SGMS1: variants seen among roughly 807,000 people sequenced by gnomAD.
SGMS1 encodes phosphatidylcholine:ceramide cholinephosphotransferase 1.
SGMS1 carries 13 observed loss-of-function variants against 46.2 expected under a neutral mutation model. That is an observed-to-expected ratio of 0.28 (90% confidence interval 0.18 to 0.45). SGMS1 has a LOEUF of 0.45. Among genes scored for constraint, SGMS1 ranks in the 20% least tolerant of loss-of-function variants. The pLI is 1.00. For synonymous variants in SGMS1, 203 were observed against 187.8 expected (o/e 1.08, Z -0.66); for missense variants, 324 against 519.9 (o/e 0.62, Z 3.66).
At chr10:50,532,952 A>G (rs1250218030) in intron 2 of SGMS1, among the ~76,000 whole-genome samples, 1 of 152,238 alleles carries the variant, frequency 6.6e-6, no homozygotes, top group Admixed American at 6.5e-5. Context: ...TGCCAGGAAC[A>G]GTAATAGTAA....
intron 1 of SGMS1, among the ~76,000 whole-genome samples, chr10:50,595,324 CA>C (rs1400479507): frequency 6.6e-6 from 1 of 152,120 alleles, no homozygotes; most frequent in African/African-American, 2.4e-5. Context: ...TACAGGCGCA[CA>C]CCACCATGCC....
intron 1 of SGMS1, among the ~76,000 whole-genome samples, chr10:50,593,033 T>G (rs903642682): frequency 6.6e-6 from 1 of 150,674 alleles, no homozygotes; most frequent in African/African-American, 2.4e-5. Context: ...GGCGTGAGAC[T>G]GCAAAAGTCC....
intron 6 of SGMS1, among the ~76,000 whole-genome samples, chr10:50,427,263 G>A (rs1003346994): frequency 2.2e-4 from 33 of 152,144 alleles, no homozygotes; most frequent in African/African-American, 8.0e-4. Flanking sequence ...GCCGGGTGTG[G>A]TGGCGGGCGC....
At chr10:50,465,841 C>A (rs564239796) in intron 4 of SGMS1, among the ~76,000 whole-genome samples, 1 of 151,762 alleles carries the variant, frequency 6.6e-6, no homozygotes, top group African/African-American at 2.4e-5. Flanking sequence ...GAAACATTTT[C>A]CAGAGACAAA....
At chr10:50,560,127 A>T (rs1267780233) in intron 2 of SGMS1, among the ~76,000 whole-genome samples, 1 of 146,888 alleles carries the variant, frequency 6.8e-6, no homozygotes, top group Non-Finnish European at 1.5e-5. Flanking sequence ...ACATTATAAC[A>T]CATATGTAAT....
chr10:50,526,625 G>A (rs1837903676), intron 2 of SGMS1, among the ~76,000 whole-genome samples: 1 of 152,176 alleles, frequency 6.6e-6, no homozygotes, highest in Non-Finnish European at 1.5e-5. Context: ...CTATCATGTA[G>A]CAAGCACTTC....
chr10:50,355,918 C>T (rs1017379558), intron 6 of SGMS1, among the ~76,000 whole-genome samples: 1 of 152,052 alleles, frequency 6.6e-6, no homozygotes. Context: ...TGTCTTTGCC[C>T]CGCCGCCACC....
At chr10:50,386,142 A>G (rs192100171) in intron 6 of SGMS1, among the ~76,000 whole-genome samples, 58 of 152,344 alleles carry the variant, frequency 3.8e-4, no homozygotes, top group African/African-American at 1.3e-3. Context: ...AAACTGGAAA[A>G]TAAATGTGAA....
chr10:50,527,903 T>C (rs771907675), intron 2 of SGMS1, among the ~76,000 whole-genome samples: 1 of 152,210 alleles, frequency 6.6e-6, no homozygotes, highest in Non-Finnish European at 1.5e-5. Context: ...ACGGCAGCTC[T>C]GTGGTCTTCA....
chr10:50,413,161 A>G (rs1434942261), intron 6 of SGMS1, among the ~76,000 whole-genome samples: 1 of 152,190 alleles, frequency 6.6e-6, no homozygotes, highest in African/African-American at 2.4e-5. Flanking sequence ...ATTTACATGT[A>G]TATCTTGTTT....
Position 50,333,651 on chromosome 10 carries a change from A to G in SGMS1, c.624-6329T>C, listed in dbSNP as rs151102358. On this transcript the variant is annotated intron_variant, in intron 7 of 10. Transcript: ENST00000361781. ...AGGGCTTAATTCAGTACTTTAGGAG[A>G]GAAAATTCTAAGGAAAGGTTAGTAA... 2.7e-4 allele frequency among the ~76,000 whole-genome samples: 41 copies of G among 152,330 alleles called. 1 individual carries two copies. The South Asian group carries it at 6.0e-3, about 22-fold the overall frequency.
chr10:50,389,217 C>T (rs1848730142), intron 6 of SGMS1, among the ~76,000 whole-genome samples: 1 of 152,130 alleles, frequency 6.6e-6, no homozygotes, highest in Non-Finnish European at 1.5e-5. Flanking sequence ...CTAGGTGCAT[C>T]ATCCCAAGGG....
At chr10:50,435,850 C>T (rs1006578189) in intron 5 of SGMS1, among the ~76,000 whole-genome samples, 2 of 152,170 alleles carry the variant, frequency 1.3e-5, no homozygotes, top group African/African-American at 4.8e-5. Context: ...TAAAAAAGTA[C>T]TCCTTGACCC....
intron 7 of SGMS1, chr10:50,336,218 A>C (rs909953846): frequency 6.6e-6 from 1 of 152,346 alleles, no homozygotes; most frequent in Non-Finnish European, 1.5e-5. Flanking sequence ...AGGGTCAGAG[A>C]AGGTCCCCAG....
At chr10:50,492,275 T>C (rs940982623) in intron 3 of SGMS1, among the ~76,000 whole-genome samples, 1 of 152,214 alleles carries the variant, frequency 6.6e-6, no homozygotes, top group Non-Finnish European at 1.5e-5. Context: ...AGATGCCCTG[T>C]CTCACCACTC....
At chr10:50,610,846 C>T (rs1338849080) in intron 1 of SGMS1, among the ~76,000 whole-genome samples, 2 of 152,180 alleles carry the variant, frequency 1.3e-5, no homozygotes, top group African/African-American at 2.4e-5. Flanking sequence ...GCTTTGTTCA[C>T]ACCTGTATCC....
At chr10:50,322,071 T>C (rs1388911540) in intron 8 of SGMS1, among the ~76,000 whole-genome samples, 1 of 152,218 alleles carries the variant, frequency 6.6e-6, no homozygotes, top group African/African-American at 2.4e-5. Flanking sequence ...CACCCAGACA[T>C]AACCCTGTCC....
intron 7 of SGMS1, among the ~76,000 whole-genome samples, chr10:50,337,715 A>G (rs1286312415): frequency 6.6e-6 from 1 of 152,166 alleles, no homozygotes; most frequent in African/African-American, 2.4e-5. Context: ...ACAGATTAGC[A>G]TCTGACAAAA....
intron 6 of SGMS1, among the ~76,000 whole-genome samples, chr10:50,413,754 T>C (rs1370465643): frequency 6.6e-6 from 1 of 152,218 alleles, no homozygotes; most frequent in Non-Finnish European, 1.5e-5. Flanking sequence ...CCCAAGATCA[T>C]AACAACTGGT....
Sources: gnomAD v4.1 joint callset for allele counts (sites outside exome capture counted in the v4.1 genomes callset) on GRCh38, gnomAD v4.1.1 for gene constraint, MANE v1.5 for transcripts, NCBI Gene and HGNC (gene_info 2026-07-23, HGNC 2026-07-21) for gene names.